IQSEC2: variants seen among roughly 807,000 people sequenced by gnomAD.
IQSEC2 encodes the protein IQ motif and SEC7 domain-containing protein 2.
A neutral mutation model predicts 74.6 loss-of-function variants in IQSEC2; 6 were observed. The observed-to-expected ratio is 0.08, with a 90% CI of 0.04 to 0.16. The LOEUF (loss-of-function observed/expected upper bound fraction) is 0.16. IQSEC2 is among the 10% of genes least tolerant of loss of function. The pLI is 1.00. For synonymous variants in IQSEC2, 494 were observed against 544.5 expected, an observed-to-expected ratio of 0.91 and a Z score of 1.29; for missense variants, 734 against 1,306.2, an observed-to-expected ratio of 0.56 and a Z score of 6.75.
In IQSEC2 at chrX:53,247,377, T is replaced by C. The variant is rs186100018; in HGVS notation, c.2583-242A>G. Reference sequence around the variant, plus strand: ...GTAATCCTATCATAATCCTGCAAGGTAGCTATTGGCAGTCCCATTTTACAG... The same window carrying C: ...GTAATCCTATCATAATCCTGCAAGGCAGCTATTGGCAGTCCCATTTTACAG... On this transcript the variant is annotated intron_variant, in intron 7 of 14. Coordinates refer to ENST00000642864, the MANE Select transcript of IQSEC2 (RefSeq NM_001111125.3). Among the ~76,000 whole-genome samples the C allele has an allele frequency of 7.1e-5, 8 of 112,410 alleles. No individual in the cohort carries two copies. In the East Asian group the frequency reaches 2.2e-3, roughly 31 times the overall value.
intron 2 of IQSEC2, 138 bp from the exon 3 acceptor site, chrX:53,256,199 C>G (rs2074465063): frequency 5.1e-6 from 3 of 591,350 alleles, no homozygotes. Context: ...GGACCCAACA[C>G]TTACAGGCCA....
At chrX:53,312,667 A>G (rs1164553776) in intron 1 of IQSEC2, among the ~76,000 whole-genome samples, 6 of 112,353 alleles carry the variant, frequency 5.3e-5, no homozygotes, top group African/African-American at 1.9e-4. Context: ...TTTCACAACC[A>G]TCACAATGAG....
intron 1 of IQSEC2, among the ~76,000 whole-genome samples, 158 bp downstream of exon 1, chrX:53,320,259 A>T (rs2075415829): frequency 9.0e-6 from 1 of 111,493 alleles, no homozygotes; most frequent in Non-Finnish European, 1.9e-5. Flanking sequence ...TGGCCAGGGA[A>T]GGGGTGTCGG....
rs188161608 is a variant in IQSEC2, at chrX:53,235,878, C to A, written c.3452-46G>T. The A allele has an allele frequency of 9.0e-5, 101 of 1,124,726 alleles. 1 individual carries two copies. In the South Asian group the frequency reaches 1.4e-3, roughly 16 times the overall value. The allele number at this position is 1,124,726 out of a possible 1,213,427, so 92.7% of individuals were successfully genotyped here. On this transcript the variant is annotated intron_variant, in intron 13 of 14. Coordinates refer to ENST00000642864, the MANE Select transcript of IQSEC2 (RefSeq NM_001111125.3). ...CCCAGCGTCAGAGCAGCAACCCCCC[C>A]CCTACCCTGCTGGGCTCCAGAGCTG... is the stretch of plus-strand genomic sequence containing the variant.
chrX:53,279,217 T>C (rs192918807), intron 2 of IQSEC2: 13 of 208,253 alleles, frequency 6.2e-5, no homozygotes, highest in South Asian at 2.4e-4. Flanking sequence ...TGCAAAGATA[T>C]GGGCAGATTG....
rs1556879934 is a variant in IQSEC2 at position 53,320,420 on chromosome X, C to T, written c.704G>A (p.Arg235Lys). 1 of 1,164,156 alleles carries T rather than the reference C, an allele frequency of 8.6e-7. No homozygotes were observed. The highest frequency in any genetic ancestry group is 2.6e-5 in the Admixed American group (1 of 38,804). Reference sequence around the variant, plus strand: ...GGTACAAACACACATTCCTTACTTTCTCTGGAGGGTCGTGGCCGGGCTGGT... The same window carrying T: ...GGTACAAACACACATTCCTTACTTTTTCTGGAGGGTCGTGGCCGGGCTGGT... ...TSTSPATTLQ[R>K]KSDGENSRTV... The change falls in exon 1 of 15, where the codon AGA becomes AAA. Residue 235 changes from arginine (R) to lysine (K), a missense_variant. Around this residue, in one of 12 missense-constraint regions of IQSEC2, gnomAD observed 2 missense variants for 17.5 expected, o/e 0.11. Transcript: ENST00000642864.
chrX:53,311,322 G>C (rs1321474467), intron 1 of IQSEC2, among the ~76,000 whole-genome samples: 1 of 108,442 alleles, frequency 9.2e-6, no homozygotes, highest in Non-Finnish European at 1.9e-5. Flanking sequence ...CTTCCAACTT[G>C]TGATTTCTTG....
At chrX:53,274,979 C>T (rs149737471) in intron 2 of IQSEC2, among the ~76,000 whole-genome samples, 42 of 111,480 alleles carry the variant, frequency 3.8e-4, no homozygotes, top group African/African-American at 1.3e-3. Context: ...TTTCTCCTAG[C>T]CTGTTTATGT....
rs782533389 is a variant in IQSEC2, at chrX:53,234,026, C to G, written c.*193G>C. On this transcript the variant is annotated 3_prime_UTR_variant, in exon 15 of 15. Transcript: ENST00000642864. ...CCAGGCTTCAAGTGGCAAGGATCCT[C>G]GAATCTGGAAGGAAACCCCATGGCA... is the stretch of plus-strand genomic sequence containing the variant. 6.5e-6 allele frequency: 2 copies of G among 306,550 alleles called. No homozygotes were observed. Among genetic ancestry groups the G allele is most frequent in the East Asian group, 9.5e-5 (2 of 21,084 alleles). The allele number at this position is 306,550 out of a possible 1,213,427, so 25.3% of individuals were successfully genotyped here.
intron 2 of IQSEC2, among the ~76,000 whole-genome samples, chrX:53,291,013 G>A (rs1341112269): frequency 8.9e-6 from 1 of 112,277 alleles, no homozygotes; most frequent in Non-Finnish European, 1.9e-5. Flanking sequence ...ACTGGCAGCC[G>A]TGGCTGGGAA....
At chrX:53,228,408 C>T (rs782398248), downstream of IQSEC2, among the ~76,000 whole-genome samples, 185 of 111,413 alleles carry the variant, frequency 1.7e-3, no homozygotes, top group Non-Finnish European at 2.8e-3. Flanking sequence ...GGGGGACAAC[C>T]GGAGTCTAGA....
At chrX:53,239,072 G>A (rs2074178620) in intron 11 of IQSEC2, 123 bp downstream of exon 11, 1 of 542,126 alleles carries the variant, frequency 1.8e-6, no homozygotes, top group South Asian at 2.5e-5. Context: ...GACCAAGTAG[G>A]TGCTTTGGAG....
intron 1 of IQSEC2, among the ~76,000 whole-genome samples, chrX:53,293,373 A>G (rs12014674): frequency 0.21 from 23,563 of 111,472 alleles, 3,206 homozygotes; most frequent in African/African-American, 0.51. Flanking sequence ...TGCCTGGCAC[A>G]TGGTACATGC....
At chrX:53,241,243 C>T (rs916108884) in intron 10 of IQSEC2, among the ~76,000 whole-genome samples, 1 of 111,076 alleles carries the variant, frequency 9.0e-6, no homozygotes, top group African/African-American at 3.3e-5. Flanking sequence ...GTAGCTGGGA[C>T]TACAGGTGCA....
intron 2 of IQSEC2, chrX:53,281,564 G>T: frequency 1.7e-6 from 2 of 1,144,234 alleles, no homozygotes; most frequent in Non-Finnish European, 2.3e-6. Context: ...GGCCTAGCCG[G>T]TGTCTCCACC....
intron 2 of IQSEC2, chrX:53,281,606 C>T: frequency 9.4e-7 from 1 of 1,061,744 alleles, no homozygotes; most frequent in African/African-American, 1.9e-5. Flanking sequence ...CAGCCCTTCC[C>T]TAGAAGGAGG....
intron 1 of IQSEC2, among the ~76,000 whole-genome samples, chrX:53,296,932 A>G (rs2075158988): frequency 1.8e-5 from 2 of 111,505 alleles, no homozygotes; most frequent in Non-Finnish European, 3.8e-5. Flanking sequence ...CAACTGAACA[A>G]CTGTGCCCTC....
At chrX:53,250,136 C>T (rs1203213053) in intron 5 of IQSEC2, 143 bp downstream of exon 5, 1 of 722,483 alleles carries the variant, frequency 1.4e-6, no homozygotes, top group African/African-American at 2.1e-5. Flanking sequence ...CAATCCTCTT[C>T]CCTGAATGTC....
chrX:53,307,053 G>C (rs1556876802), intron 1 of IQSEC2, among the ~76,000 whole-genome samples: 4 of 110,413 alleles, frequency 3.6e-5, no homozygotes, highest in African/African-American at 1.3e-4. Flanking sequence ...CGTAGGCAAA[G>C]TATCAGAGGG....
Sources: allele counts gnomAD v4.1 joint callset (sites outside exome capture counted in the v4.1 genomes callset), GRCh38; gene constraint gnomAD v4.1.1; regional missense constraint gnomAD v4.1.1; transcripts MANE v1.5; gene names NCBI Gene and HGNC (gene_info 2026-07-23, HGNC 2026-07-21).